ASIC2: variants seen among roughly 807,000 people sequenced by gnomAD.
The protein encoded by ASIC2 is acid-sensing ion channel 2.
Under a neutral mutation model 57.3 loss-of-function variants are expected in ASIC2, and 25 were observed. That is an observed-to-expected ratio of 0.44 (90% CI 0.32 to 0.61). The LOEUF (loss-of-function observed/expected upper bound fraction) is 0.61, where lower values mean the gene tolerates loss of function less well. ASIC2 is among the 20% of genes least tolerant of loss of function. The pLI is 0.06. For synonymous variants in ASIC2, 319 were observed against 307.5 expected (o/e 1.04, Z -0.39); for missense variants, 641 against 738.1 (o/e 0.87, Z 1.52).
chr17:34,099,546 AAGGG>A (rs1453526712), intron 1 of ASIC2, among the ~76,000 whole-genome samples: 2 of 147,196 alleles, frequency 1.4e-5, no homozygotes, highest in African/African-American at 5.1e-5. Flanking sequence ...GGAAAGAAAG[AAGGG>A]AAGGAAGGAA....
chr17:33,165,357 C>T (rs1905275779), intron 1 of ASIC2, among the ~76,000 whole-genome samples: 2 of 152,148 alleles, frequency 1.3e-5, no homozygotes, highest in South Asian at 4.1e-4. Flanking sequence ...GTCTAAGTGC[C>T]TCAATGCTTA....
In ASIC2 at chr17:34,000,315, G is replaced by C. The variant is rs559602253; in HGVS notation, c.555+155663C>G. ...TGACCAGGCTGGAGTGCAATGGTGC[G>C]ATCTCGGCTCACCGCAACCTCCACC... On this transcript the variant is annotated intron_variant, in intron 1 of 9. Transcript: ENST00000359872. 6.1e-4 allele frequency among the ~76,000 whole-genome samples: 90 copies of C among 147,570 alleles called. No homozygotes were observed. The Middle Eastern group carries it at 0.014, about 23-fold the overall frequency.
At chr17:33,556,104 C>T (rs959839822) in intron 1 of ASIC2, among the ~76,000 whole-genome samples, 2 of 152,206 alleles carry the variant, frequency 1.3e-5, no homozygotes, top group African/African-American at 4.8e-5. Flanking sequence ...CCAGCAGCTT[C>T]ATCATGAGGT....
At chr17:33,070,340 A>AC (rs2092063492) in intron 3 of ASIC2, among the ~76,000 whole-genome samples, 1 of 76,616 alleles carries the variant, frequency 1.3e-5, no homozygotes, top group Admixed American at 2.0e-4. Flanking sequence ...TTTCGCCATT[A>AC]CTTTTTTTTT....
At chr17:33,276,791 G>C (rs1458070949) in intron 1 of ASIC2, among the ~76,000 whole-genome samples, 1 of 152,210 alleles carries the variant, frequency 6.6e-6, no homozygotes, top group Non-Finnish European at 1.5e-5. Context: ...GTCTAGCCTG[G>C]GGGAAGCCGC....
At chr17:33,489,919 A>G (rs917462091) in intron 1 of ASIC2, among the ~76,000 whole-genome samples, 2 of 152,196 alleles carry the variant, frequency 1.3e-5, no homozygotes, top group Non-Finnish European at 2.9e-5. Context: ...ACCTTGAAAT[A>G]AGAACGCGAG....
chr17:33,549,682 G>T (rs756428086), intron 1 of ASIC2, among the ~76,000 whole-genome samples: 5 of 152,058 alleles, frequency 3.3e-5, no homozygotes, highest in South Asian at 2.1e-4. Flanking sequence ...TACTTTCCTG[G>T]GTTCTAAATC....
At chr17:33,123,772 T>A (rs2092312261) in intron 1 of ASIC2, among the ~76,000 whole-genome samples, 1 of 152,328 alleles carries the variant, frequency 6.6e-6, no homozygotes, top group South Asian at 2.1e-4. Flanking sequence ...TATGCCTGGA[T>A]GAACAACCCT....
At chr17:33,483,630 A>G (rs1293432895) in intron 1 of ASIC2, among the ~76,000 whole-genome samples, 1 of 152,230 alleles carries the variant, frequency 6.6e-6, no homozygotes, top group East Asian at 1.9e-4. Context: ...ACTGTCCTGA[A>G]GTCAGGAGAA....
At chr17:34,106,400 A>G (rs1244015663) in intron 1 of ASIC2, among the ~76,000 whole-genome samples, 1 of 152,044 alleles carries the variant, frequency 6.6e-6, no homozygotes, top group Non-Finnish European at 1.5e-5. Context: ...CATTTTTACT[A>G]CGATGATCAC....
At chr17:33,178,545 T>C (rs995248370) in intron 1 of ASIC2, among the ~76,000 whole-genome samples, 1 of 152,244 alleles carries the variant, frequency 6.6e-6, no homozygotes, top group African/African-American at 2.4e-5. Flanking sequence ...TTGGATCTTA[T>C]AGTCCAGTTG....
chr17:33,438,973 AG>A (rs1479553056), intron 1 of ASIC2, among the ~76,000 whole-genome samples: 1 of 151,670 alleles, frequency 6.6e-6, no homozygotes, highest in Middle Eastern at 3.2e-3. Context: ...CCTCCCAAGT[AG>A]CTGGGACTAT....
At chr17:33,077,040 C>T (rs1004137110) in intron 3 of ASIC2, among the ~76,000 whole-genome samples, 1 of 152,066 alleles carries the variant, frequency 6.6e-6, no homozygotes, top group South Asian at 2.1e-4. Flanking sequence ...CCCAGAGGCT[C>T]TACCAGTTTA....
intron 1 of ASIC2, among the ~76,000 whole-genome samples, chr17:34,019,718 G>A (rs558097729): frequency 1.3e-5 from 2 of 152,252 alleles, no homozygotes; most frequent in African/African-American, 4.8e-5. Context: ...AAATTTCTGC[G>A]ACTCACTTTA....
At chr17:33,549,214 G>T (rs565926373) in intron 1 of ASIC2, among the ~76,000 whole-genome samples, 2 of 152,132 alleles carry the variant, frequency 1.3e-5, no homozygotes, top group South Asian at 2.1e-4. Flanking sequence ...ACCTCTGAAG[G>T]TCCTTTTAGC....
intron 1 of ASIC2, chr17:34,036,596 A>G (rs1238622760): frequency 1.3e-5 from 2 of 151,058 alleles, no homozygotes; most frequent in Non-Finnish European, 3.0e-5. Flanking sequence ...ATTCCATCAC[A>G]GAGATTAATG....
chr17:33,202,874 T>C (rs894946586), intron 1 of ASIC2, among the ~76,000 whole-genome samples: 4 of 152,054 alleles, frequency 2.6e-5, no homozygotes, highest in Non-Finnish European at 5.9e-5. Context: ...GAGTGGGTGG[T>C]GGATAGGCTC....
intron 1 of ASIC2, among the ~76,000 whole-genome samples, chr17:34,135,893 T>A (rs1337550552): frequency 1.3e-5 from 2 of 152,138 alleles, no homozygotes; most frequent in African/African-American, 2.4e-5. Flanking sequence ...CTAAAAAAAA[T>A]AATAATGTGG....
intron 1 of ASIC2, among the ~76,000 whole-genome samples, chr17:33,586,619 G>C (rs1904642687): frequency 6.6e-6 from 1 of 152,126 alleles, no homozygotes; most frequent in Non-Finnish European, 1.5e-5. Context: ...CCTGTCTTGA[G>C]TTTTTGCTTT....
Sources: gnomAD v4.1 joint callset for allele counts (sites outside exome capture counted in the v4.1 genomes callset) on GRCh38, gnomAD v4.1.1 for gene constraint, MANE v1.5 for transcripts, NCBI Gene and HGNC (gene_info 2026-07-23, HGNC 2026-07-21) for gene names.